CPT1C: variants seen among roughly 807,000 people sequenced by gnomAD.
The protein encoded by CPT1C is carnitine palmitoyltransferase 1C.
A neutral mutation model predicts 97.3 loss-of-function variants in CPT1C; 61 were observed. The observed-to-expected ratio is 0.63, with a 90% CI of 0.51 to 0.78. The LOEUF (loss-of-function observed/expected upper bound fraction) is 0.78, where lower values mean the gene tolerates loss of function less well. Ranked by LOEUF, CPT1C falls within the 30% of genes least tolerant of loss-of-function variation. The pLI, the probability that CPT1C is intolerant of heterozygous loss-of-function variation, is 0.00. For missense variants in CPT1C, 975 were observed against 1,065.5 expected, an observed-to-expected ratio of 0.92 and a Z score of 1.18; for synonymous variants, 469 against 447.2, an observed-to-expected ratio of 1.05 and a Z score of -0.61.
chr19:49,710,934 A>G, intron 16 of CPT1C, 77 bp downstream of exon 16: 1 of 1,483,708 alleles, frequency 6.7e-7, no homozygotes, highest in Non-Finnish European at 9.2e-7. Context: ...GATGGGACCT[A>G]CTGAAGCCAG....
At chr19:49,698,594 C>T (rs907258248) in intron 4 of CPT1C, among the ~76,000 whole-genome samples, 13 of 150,620 alleles carry the variant, frequency 8.6e-5, no homozygotes, top group Non-Finnish European at 1.8e-4. Flanking sequence ...ACCCGGGAGG[C>T]GGAGGTTGCG....
At chr19:49,712,124 C>T (rs1266085506) in intron 17 of CPT1C, 163 bp downstream of exon 17, 2 of 846,986 alleles carry the variant, frequency 2.4e-6, no homozygotes, top group African/African-American at 3.4e-5. Flanking sequence ...AGGCGGATCA[C>T]TTGAGGTCAA....
At chr19:49,704,662 C>T (rs931122771) in intron 7 of CPT1C, 48 bp from the exon 8 acceptor site, 6 of 1,472,946 alleles carry the variant, frequency 4.1e-6, no homozygotes, top group Middle Eastern at 1.7e-4. Flanking sequence ...TGTCCCTCCC[C>T]CAACAGGCCC....
At chr19:49,701,215 C>T (rs1002322536) in intron 5 of CPT1C, 102 bp from the exon 6 acceptor site, 5 of 918,100 alleles carry the variant, frequency 5.4e-6, no homozygotes, top group Non-Finnish European at 8.3e-6. Flanking sequence ...TCTTAAGTCT[C>T]TGTGTCCTTC....
At chr19:49,704,406 A>G (rs182049376) in intron 7 of CPT1C, among the ~76,000 whole-genome samples, 1,588 of 152,314 alleles carry the variant, frequency 0.01, 25 homozygotes, top group Non-Finnish European at 0.012. Flanking sequence ...ACCTGACCTC[A>G]GGTGATCCAC....
At position 49,712,546 on chromosome 19, in the gene CPT1C, G is replaced by A. The variant is rs901465892; in HGVS notation, c.2020-190G>A. ...GTCCGAGGGAGAAGAGGAGAGGGACGTGGGTGTGGGTGGTGAGACGAGTGA... is the reference window on the plus strand; with the variant it reads ...GTCCGAGGGAGAAGAGGAGAGGGACATGGGTGTGGGTGGTGAGACGAGTGA... On this transcript the variant is annotated intron_variant, in intron 17 of 19. Transcript: ENST00000598293. 9.4e-6 allele frequency: 5 copies of A among 534,002 alleles called. No individual in the cohort carries two copies. The Admixed American group carries it at 1.5e-4, about 16-fold the overall frequency. The allele number at this position is 534,002 out of a possible 1,614,324, so 33.1% of individuals were successfully genotyped here.
chr19:49,695,026 A>G (rs535606645), intron 3 of CPT1C, among the ~76,000 whole-genome samples: 22 of 151,924 alleles, frequency 1.4e-4, no homozygotes, highest in African/African-American at 4.8e-4. Context: ...CTGTAGTCCC[A>G]GCTACTTGGG....
chr19:49,692,528 C>A, intron 3 of CPT1C, 135 bp downstream of exon 3: 2 of 1,133,494 alleles, frequency 1.8e-6, no homozygotes, highest in Admixed American at 2.4e-5. Context: ...ATTTTGATGT[C>A]TGCTCCCAGG....
chr19:49,712,630 C>G, intron 17 of CPT1C, 106 bp from the exon 18 acceptor site: 3 of 810,806 alleles, frequency 3.7e-6, no homozygotes, highest in Non-Finnish European at 6.3e-6. Flanking sequence ...GAAGGAGGCC[C>G]GGATTTACGG....
At chr19:49,694,264 TTGA>T (rs1486731293) in intron 3 of CPT1C, among the ~76,000 whole-genome samples, 1 of 152,010 alleles carries the variant, frequency 6.6e-6, no homozygotes, top group African/African-American at 2.4e-5. Context: ...TCATCTGATA[TTGA>T]TGGTGACACA....
intron 14 of CPT1C, among the ~76,000 whole-genome samples, chr19:49,709,949 C>T (rs1055712633): frequency 3.3e-5 from 5 of 151,924 alleles, no homozygotes; most frequent in South Asian, 2.1e-4. Context: ...TGGGTTCAAG[C>T]GATTCTCCTG....
At chr19:49,698,348 G>C (rs891125900) in intron 4 of CPT1C, among the ~76,000 whole-genome samples, 1 of 151,908 alleles carries the variant, frequency 6.6e-6, no homozygotes, top group Non-Finnish European at 1.5e-5. Flanking sequence ...CTGGGCAACA[G>C]AGTGACACCC....
chr19:49,712,775 C>G lies in CPT1C; in HGVS notation c.2059C>G (p.Pro687Ala), dbSNP rs200190780. The G allele has an allele frequency of 7.1e-4, 1,150 of 1,614,046 alleles. 2 individuals carry two copies. The highest frequency in any genetic ancestry group is 9.4e-4 in the Non-Finnish European group (1,109 of 1,179,968). Residue 687 changes from proline to alanine, a missense_variant, in exon 18 of 20, where the codon CCT becomes GCT. Physicochemically the swap from Pro to Ala is conservative, Grantham distance 27 (BLOSUM62 -1). Transcript: ENST00000598293. ...EQWQLSTSQIPVQQMHLFDVH... is the reference protein window; with the variant it reads ...EQWQLSTSQIAVQQMHLFDVH... Reference sequence around the variant, plus strand: ...GTGGCAGCTGTCCACCAGCCAGATCCCTGTTCAGCAAATGCATCTGTTTGA... The same window carrying G: ...GTGGCAGCTGTCCACCAGCCAGATCGCTGTTCAGCAAATGCATCTGTTTGA...
At position 49,697,669 on chromosome 19, in the gene CPT1C, T is replaced by C. The variant is rs983094440; in HGVS notation, c.281+204T>C. 5 of 529,342 alleles carry C rather than the reference T, an allele frequency of 9.4e-6. No homozygotes were observed. The East Asian group carries it at 1.9e-4, about 20-fold the overall frequency. The allele number at this position is 529,342 out of a possible 1,614,324, so 32.8% of individuals were successfully genotyped here. On this transcript the variant is annotated intron_variant, in intron 4 of 19. Transcript: ENST00000598293. ...CCTGTAATCCCAGCACATTGGGCAT[T>C]GGGAGGCTGAGGTGGGTGTATCGCT...
intron 7 of CPT1C, among the ~76,000 whole-genome samples, chr19:49,701,839 A>G (rs2123300902): frequency 7.7e-6 from 1 of 129,192 alleles, no homozygotes; most frequent in African/African-American, 2.8e-5. Flanking sequence ...ATATATATGT[A>G]TATATATTTA....
At chr19:49,713,389 T>G (rs768254276) in intron 19 of CPT1C, 31 bp from the exon 20 acceptor site, 3 of 1,575,860 alleles carry the variant, frequency 1.9e-6, no homozygotes, top group Admixed American at 3.7e-5. Flanking sequence ...ATCTCCCAGC[T>G]TCCCCTGGCT....
chr19:49,703,595 CCCTT>C (rs1217261016), intron 7 of CPT1C, among the ~76,000 whole-genome samples: 969 of 75,792 alleles, frequency 0.013, 15 homozygotes, highest in Middle Eastern at 0.016. Flanking sequence ...CTCCCTCCCT[CCCTT>C]CCTTCCTTCC....
Position 49,710,725 on chromosome 19 carries a change from CAG to C in CPT1C, c.1735_1736del (p.Arg579GlyfsTer8), listed in dbSNP as rs767517922. On this transcript the variant is annotated frameshift_variant, in exon 16 of 20. Transcript: ENST00000598293. LOFTEE classifies it high-confidence loss of function. ...IALQLAHFRD[R>X]GQFCLTYESA... ...CTCTTCTCCTCCCTGTCCCCCAGGA[CAG>C]GGGTCAATTCTGCCTGACTTATGAG... The C allele has an allele frequency of 1.1e-5, 17 of 1,612,138 alleles. No homozygotes were observed. Among genetic ancestry groups the C allele is most frequent in the East Asian group, 8.9e-5 (4 of 44,824 alleles).
At chr19:49,690,818 C>T (rs1196655385), upstream of CPT1C, 2 of 262,080 alleles carry the variant, frequency 7.6e-6, no homozygotes, top group Non-Finnish European at 1.4e-5. The surrounding 1 kb of genome is among the most constrained non-coding windows in gnomAD (Gnocchi z 4.4). Context: ...AGATTTGCTC[C>T]GGCACCCTAC....
Sources: allele counts gnomAD v4.1 joint callset (sites outside exome capture counted in the v4.1 genomes callset), GRCh38; gene constraint gnomAD v4.1.1; non-coding constraint Gnocchi (gnomAD v3.1); transcripts MANE v1.5; gene names NCBI Gene and HGNC (gene_info 2026-07-23, HGNC 2026-07-21).